The following CCT3 variants were observed in gnomAD, a reference collection of about 807,000 sequenced individuals.
CCT3 encodes the protein chaperonin containing TCP1 subunit 3, also known as T-complex protein 1 subunit gamma.
Under a neutral mutation model 65.3 loss-of-function variants are expected in CCT3, and 10 were observed. That is an observed-to-expected ratio of 0.15 (90% CI 0.09 to 0.26). The LOEUF (loss-of-function observed/expected upper bound fraction) is 0.26. Ranked by LOEUF, CCT3 falls within the 10% of genes least tolerant of loss-of-function variation. The probability of loss-of-function intolerance (pLI) is 1.00; values close to 1 mark genes in which losing one functional copy is unlikely to be tolerated. For synonymous variants in CCT3, 225 were observed against 242.3 expected (o/e 0.93, Z 0.66); for missense variants, 626 against 708.7 (o/e 0.88, Z 1.33).
At chr1:156,317,954 C>T (rs1055670664) in intron 8 of CCT3, among the ~76,000 whole-genome samples, 7 of 152,134 alleles carry the variant, frequency 4.6e-5, no homozygotes, top group African/African-American at 1.2e-4. Flanking sequence ...CTTCGTGATC[C>T]GCCCGCCTCT....
At chr1:156,319,115 G>GTT (rs371602601) in intron 7 of CCT3, 98 bp from the exon 8 acceptor site, 22,179 of 767,730 alleles carry the variant, frequency 0.029, no homozygotes, top group Non-Finnish European at 0.032. Context: ...AGTGTTTCAG[G>GTT]TTTTTTTTTT....
At chr1:156,325,881 C>T (rs1481427870) in intron 5 of CCT3, among the ~76,000 whole-genome samples, 1 of 151,926 alleles carries the variant, frequency 6.6e-6, no homozygotes, top group African/African-American at 2.4e-5. Flanking sequence ...CCACGCCTGG[C>T]CTTCTCTTGA....
chr1:156,321,169 T>C, intron 6 of CCT3, 144 bp from the exon 7 acceptor site: 1 of 641,464 alleles, frequency 1.6e-6, no homozygotes, highest in Non-Finnish European at 2.6e-6. Flanking sequence ...TAAAAGGACA[T>C]TAGGAGGTAA....
At chr1:156,318,782 G>T in intron 8 of CCT3, 86 bp downstream of exon 8, 1 of 1,336,708 alleles carries the variant, frequency 7.5e-7, no homozygotes, top group Non-Finnish European at 1.0e-6. Context: ...CAGAAGGCAT[G>T]CAATAAACAT....
chr1:156,325,370 T>A (rs1450744621), intron 5 of CCT3, among the ~76,000 whole-genome samples: 5 of 151,920 alleles, frequency 3.3e-5, no homozygotes, highest in African/African-American at 4.8e-5. Flanking sequence ...TACAAAAAAA[T>A]TTAAAATTTA....
At chr1:156,309,854 T>A (rs147841368) in intron 13 of CCT3, among the ~76,000 whole-genome samples, 1,893 of 151,104 alleles carry the variant, frequency 0.013, 11 homozygotes, top group Non-Finnish European at 0.02. Flanking sequence ...CCGGCCAACA[T>A]GGTAAAACCC....
rs772967401 is a variant in CCT3, at chr1:156,310,982, C to T, written c.1369G>A (p.Ala457Thr). 6.2e-7 allele frequency: 1 copy of T among 1,614,162 alleles called. No individual in the cohort carries two copies. The highest frequency in any genetic ancestry group is 1.1e-5 in the South Asian group (1 of 91,082). Residue 457 changes from alanine (A) to threonine (T), a missense_variant, in exon 12 of 14, where the codon GCC becomes ACC. Coordinates refer to ENST00000295688, the MANE Select transcript of CCT3 (RefSeq NM_005998.5). Reference sequence around the variant, plus strand: ...GAGGTAAGTAGACGGATGGTGCTGGCCCCACAGTTCTGGATCAGGGTACGA... The same window carrying T: ...GAGGTAAGTAGACGGATGGTGCTGGTCCCACAGTTCTGGATCAGGGTACGA... Reference protein sequence around the residue: ...IPRTLIQNCGASTIRLLTSLR... With the variant: ...IPRTLIQNCGTSTIRLLTSLR...
intron 10 of CCT3, among the ~76,000 whole-genome samples, chr1:156,315,607 G>C (rs1558265552): frequency 6.6e-6 from 1 of 152,212 alleles, no homozygotes; most frequent in Non-Finnish European, 1.5e-5. Flanking sequence ...AGTTAATTGT[G>C]TTATTGGTAA....
Position 156,325,006 on chromosome 1 carries a change from A to C in CCT3, c.388T>G (p.Leu130Val). Residue 130 changes from leucine to valine, a missense_variant, in exon 6 of 14, where the codon TTG becomes GTG. By Grantham distance (32) the Leu-to-Val change is conservative. Coordinates refer to ENST00000295688, the MANE Select transcript of CCT3 (RefSeq NM_005998.5). ...TVVISAYRKA[L>V]DDMISTLKKI... ...TTTAGGGTGCTGATCATATCATCCAATGCCTTGCGGTAAGCACTGATCACC... is the reference window on the plus strand; with the variant it reads ...TTTAGGGTGCTGATCATATCATCCACTGCCTTGCGGTAAGCACTGATCACC... 1 of 1,613,508 alleles carries C rather than the reference A, an allele frequency of 6.2e-7. No individual in the cohort carries two copies. The highest frequency in any genetic ancestry group is 2.2e-5 in the East Asian group (1 of 44,882).
At chr1:156,327,897 A>ACCGCC (rs1209787179) in intron 5 of CCT3, among the ~76,000 whole-genome samples, 35 of 113,854 alleles carry the variant, frequency 3.1e-4, no homozygotes, top group African/African-American at 1.2e-3. Flanking sequence ...CCTCTGCCCC[A>ACCGCC]CCGCCCCGTC....
intron 8 of CCT3, among the ~76,000 whole-genome samples, chr1:156,318,599 G>A (rs1431176736): frequency 6.6e-6 from 1 of 152,050 alleles, no homozygotes. Flanking sequence ...CAGCATGATC[G>A]TATAAAACAA....
intron 8 of CCT3, among the ~76,000 whole-genome samples, chr1:156,317,814 TTCTCCTGCCTCAG>T (rs923387592): frequency 1.3e-5 from 2 of 151,828 alleles, no homozygotes; most frequent in Non-Finnish European, 2.9e-5. Context: ...GTTCAAGCGA[TTCTCCTGCCTCAG>T]CCTCCCGAGT....
intron 7 of CCT3, 47 bp downstream of exon 7, chr1:156,320,792 C>A: frequency 2.3e-6 from 3 of 1,277,624 alleles, no homozygotes; most frequent in South Asian, 1.3e-5. Flanking sequence ...TGAGATGACT[C>A]ATGCTAACAT....
intron 1 of CCT3, among the ~76,000 whole-genome samples, chr1:156,336,273 T>G (rs372363081): frequency 6.8e-5 from 9 of 131,912 alleles, no homozygotes; most frequent in African/African-American, 2.7e-4. Flanking sequence ...AAATGAGAGA[T>G]ACTGCAATTT....
rs1347269721 is a variant in CCT3, at chr1:156,335,033, T to C, written c.94-115A>G. On this transcript the variant is annotated intron_variant, in intron 2 of 13. Coordinates refer to ENST00000295688, the MANE Select transcript of CCT3 (RefSeq NM_005998.5). Reference sequence around the variant, plus strand: ...CCCACAGAGTCAGTGTTTTATTTTATTTTAATTTTATTTTATTTTTAGATA... The same window carrying C: ...CCCACAGAGTCAGTGTTTTATTTTACTTTAATTTTATTTTATTTTTAGATA... 7 of 835,224 alleles carry C rather than the reference T, an allele frequency of 8.4e-6. No homozygotes were observed. The African/African-American group carries it at 1.2e-4, about 15-fold the overall frequency. 51.7% of individuals were successfully genotyped at this position (835,224 alleles called of 1,614,324 possible).
chr1:156,330,626 C>T (rs570660533), intron 5 of CCT3, among the ~76,000 whole-genome samples: 1 of 151,950 alleles, frequency 6.6e-6, no homozygotes, highest in African/African-American at 2.4e-5. Flanking sequence ...GATGCCACTG[C>T]ACTTTAGCTT....
intron 10 of CCT3, among the ~76,000 whole-genome samples, chr1:156,312,842 C>A (rs375022781): frequency 1.3e-5 from 2 of 152,076 alleles, no homozygotes; most frequent in African/African-American, 4.8e-5. Flanking sequence ...TACCTATATA[C>A]ACTAATATGA....
chr1:156,319,567 C>A (rs892161062), intron 7 of CCT3, among the ~76,000 whole-genome samples: 1 of 152,052 alleles, frequency 6.6e-6, no homozygotes, highest in African/African-American at 2.4e-5. Flanking sequence ...AATGACTTGA[C>A]AAAAGACTTA....
intron 5 of CCT3, among the ~76,000 whole-genome samples, chr1:156,327,525 G>A (rs1032387055): frequency 3.3e-5 from 5 of 152,202 alleles, no homozygotes; most frequent in African/African-American, 1.2e-4. Flanking sequence ...GCTCCTAACC[G>A]CGAGTGATCC....
Sources: gnomAD v4.1 joint callset for allele counts (sites outside exome capture counted in the v4.1 genomes callset) on GRCh38, gnomAD v4.1.1 for gene constraint, MANE v1.5 for transcripts, NCBI Gene and HGNC (gene_info 2026-07-23, HGNC 2026-07-21) for gene names.